Variants in MAF observed in about 807,000 individuals in gnomAD.
MAF encodes the protein transcription factor Maf.
Under a neutral mutation model 22.0 loss-of-function variants are expected in MAF, and 10 were observed. That is an observed-to-expected ratio of 0.45 (90% CI 0.28 to 0.77). The LOEUF is 0.77. Among genes scored for constraint, MAF ranks in the 30% least tolerant of loss-of-function variants. The pLI, the probability that MAF is intolerant of heterozygous loss-of-function variation, is 0.12. For missense variants in MAF, 544 were observed against 548.4 expected, an observed-to-expected ratio of 0.99 and a Z score of 0.08; for synonymous variants, 337 against 255.8, an observed-to-expected ratio of 1.32 and a Z score of -3.03.
At chr16:79,558,879 A>T in the MAF span, among the ~76,000 whole-genome samples, 2 of 152,196 alleles carry the variant, frequency 1.3e-5, no homozygotes, top group Admixed American at 1.3e-4. Context: ...TTGAGAGATG[A>T]TCACAGGCTA....
chr16:79,271,622 C>G, the MAF span, among the ~76,000 whole-genome samples: 14 of 152,226 alleles, frequency 9.2e-5, no homozygotes, highest in East Asian at 2.3e-3. Flanking sequence ...AGATACAAGT[C>G]TGTTGATATT....
At chr16:79,303,835 T>G in the MAF span, among the ~76,000 whole-genome samples, 1 of 152,152 alleles carries the variant, frequency 6.6e-6, no homozygotes, top group East Asian at 1.9e-4. Flanking sequence ...TCACTTCATG[T>G]TTAGGATCTA....
chr16:79,283,306 T>C, the MAF span, among the ~76,000 whole-genome samples: 31,418 of 152,176 alleles, frequency 0.21, 4,266 homozygotes, highest in African/African-American at 0.4. Context: ...ATTAGACATA[T>C]GAAACTTCCT....
the MAF span, among the ~76,000 whole-genome samples, chr16:79,366,391 T>G: frequency 6.6e-6 from 1 of 152,214 alleles, no homozygotes; most frequent in Non-Finnish European, 1.5e-5. Context: ...CCAAGTTGTC[T>G]TCTTACTTTT....
chr16:79,405,506 T>C, the MAF span, among the ~76,000 whole-genome samples: 2 of 152,224 alleles, frequency 1.3e-5, no homozygotes, highest in Non-Finnish European at 2.9e-5. Flanking sequence ...ACATGGGGCA[T>C]AGAAGTCACT....
chr16:79,325,844 T>C, the MAF span, among the ~76,000 whole-genome samples: 3 of 152,082 alleles, frequency 2.0e-5, no homozygotes, highest in South Asian at 6.2e-4. Flanking sequence ...GAACAGAAGA[T>C]ACGTGAAATG....
the MAF span, among the ~76,000 whole-genome samples, chr16:79,461,938 G>A: frequency 6.6e-6 from 1 of 152,258 alleles, no homozygotes; most frequent in South Asian, 2.1e-4. Flanking sequence ...GAGGTTGGAG[G>A]ACAACAGGGC....
the MAF span, among the ~76,000 whole-genome samples, chr16:79,305,458 G>A: frequency 6.6e-6 from 1 of 152,132 alleles, no homozygotes; most frequent in Non-Finnish European, 1.5e-5. Flanking sequence ...TGGGGAGTGT[G>A]ACTGAGGAGT....
At chr16:79,542,991 G>A in the MAF span, among the ~76,000 whole-genome samples, 9 of 152,180 alleles carry the variant, frequency 5.9e-5, no homozygotes, top group African/African-American at 1.7e-4. Context: ...ACACGTGTGT[G>A]TATGTGCAGT....
the MAF span, among the ~76,000 whole-genome samples, chr16:79,440,061 T>A: frequency 2.0e-5 from 3 of 152,242 alleles, no homozygotes; most frequent in African/African-American, 7.2e-5. Flanking sequence ...AGTTCTATTT[T>A]CCACTTCCCT....
the MAF span, among the ~76,000 whole-genome samples, chr16:79,350,900 TGTGC>T: frequency 4.4e-3 from 647 of 145,612 alleles, 5 homozygotes; most frequent in African/African-American, 0.015. Context: ...TGTGTGTGTG[TGTGC>T]GTGTGAATAC....
the MAF span, among the ~76,000 whole-genome samples, chr16:79,577,651 G>A: frequency 6.6e-6 from 1 of 152,092 alleles, no homozygotes; most frequent in Admixed American, 6.5e-5. Flanking sequence ...CTGACATGCT[G>A]GAATAGCCCT....
At chr16:79,335,622 C>A in the MAF span, among the ~76,000 whole-genome samples, 8 of 151,994 alleles carry the variant, frequency 5.3e-5, no homozygotes, top group South Asian at 4.2e-4. Context: ...CAGGCAGGGA[C>A]CCCCAAGGGG....
the MAF span, among the ~76,000 whole-genome samples, chr16:79,429,233 G>A: frequency 1.6e-4 from 24 of 152,252 alleles, no homozygotes; most frequent in Non-Finnish European, 2.9e-4. Context: ...ATCTCTGGGC[G>A]AGTTCGTATT....
At chr16:79,259,294 G>A in the MAF span, among the ~76,000 whole-genome samples, 2 of 152,070 alleles carry the variant, frequency 1.3e-5, no homozygotes, top group Non-Finnish European at 2.9e-5. Context: ...TGTTCCCCAT[G>A]CTTGGAAAAC....
chr16:79,220,591 T>G, the MAF span, among the ~76,000 whole-genome samples: 1 of 152,180 alleles, frequency 6.6e-6, no homozygotes, highest in Non-Finnish European at 1.5e-5. Flanking sequence ...GAGTTAAAAT[T>G]TCTACCCTTT....
chr16:79,547,942 G>GAC, the MAF span, among the ~76,000 whole-genome samples: 1 of 119,548 alleles, frequency 8.4e-6, no homozygotes, highest in East Asian at 3.0e-4. Flanking sequence ...GAGAGAGAGA[G>GAC]AATAGCATCG....
the MAF span, among the ~76,000 whole-genome samples, chr16:79,454,695 C>A: frequency 9.3e-4 from 141 of 152,220 alleles, no homozygotes; most frequent in Non-Finnish European, 1.7e-3. Context: ...TCTGCCTCTC[C>A]GTAAGCTGAT....
At chr16:79,561,361 A>G in the MAF span, among the ~76,000 whole-genome samples, 1 of 151,696 alleles carries the variant, frequency 6.6e-6, no homozygotes, top group Non-Finnish European at 1.5e-5. Flanking sequence ...ACATGTGCAC[A>G]ACGTGCAGGT....
Sources: allele counts gnomAD v4.1 joint callset (sites outside exome capture counted in the v4.1 genomes callset), GRCh38; gene constraint gnomAD v4.1.1; transcripts MANE v1.5; gene names NCBI Gene and HGNC (gene_info 2026-07-23, HGNC 2026-07-21).